BZW2: variants seen among roughly 807,000 people sequenced by gnomAD.
BZW2 encodes basic leucine zipper and W2 domains 2, also known as eIF5-mimic protein 1.
BZW2 carries 23 observed loss-of-function variants against 53.2 expected under a neutral mutation model. That is an observed-to-expected ratio of 0.43 (90% CI 0.31 to 0.61). The LOEUF (loss-of-function observed/expected upper bound fraction) is 0.61. Among genes scored for constraint, BZW2 ranks in the 20% least tolerant of loss-of-function variants. The probability of loss-of-function intolerance (pLI) is 0.09; values close to 1 mark genes in which losing one functional copy is unlikely to be tolerated. For missense variants in BZW2, 409 were observed against 503.1 expected (o/e 0.81, Z 1.79); for synonymous variants, 227 against 186.4 (o/e 1.22, Z -1.77).
chr7:16,677,918 A>G lies in BZW2; in HGVS notation c.235+3330A>G, dbSNP rs139341397. ...GCATGTCTATACATTCAAGAAGAAC[A>G]TAGGGCCAAACGTTTTGGTATAAGC... On this transcript the variant is annotated intron_variant, in intron 3 of 11. Coordinates refer to ENST00000258761, the MANE Select transcript of BZW2 (RefSeq NM_014038.3). 1.4e-3 allele frequency among the ~76,000 whole-genome samples: 210 copies of G among 152,210 alleles called. 6 individuals carry two copies. The East Asian group carries it at 0.034, about 24-fold the overall frequency.
intron 10 of BZW2, among the ~76,000 whole-genome samples, chr7:16,700,533 G>C (rs2128370568): frequency 6.6e-6 from 1 of 152,284 alleles, no homozygotes; most frequent in East Asian, 1.9e-4. Context: ...TACCCAGAGA[G>C]CTTGTTATAA....
intron 1 of BZW2, among the ~76,000 whole-genome samples, chr7:16,654,235 GTAA>G (rs1782064063): frequency 6.6e-6 from 1 of 151,346 alleles, no homozygotes; most frequent in Admixed American, 6.6e-5. Context: ...GTCTCAAAAA[GTAA>G]TAATAATAAT....
At chr7:16,650,732 C>T (rs73063942) in intron 1 of BZW2, among the ~76,000 whole-genome samples, 1,773 of 152,252 alleles carry the variant, frequency 0.012, 13 homozygotes, top group Non-Finnish European at 0.019. Context: ...ACTTTTCATT[C>T]TTAACTCACT....
chr7:16,675,406 A>G (rs1782734640), intron 3 of BZW2, among the ~76,000 whole-genome samples: 2 of 152,218 alleles, frequency 1.3e-5, no homozygotes, highest in Non-Finnish European at 2.9e-5. Context: ...AACATAATGA[A>G]AGATTGCCTT....
chr7:16,670,738 G>A (rs373540786), intron 2 of BZW2, among the ~76,000 whole-genome samples: 12 of 152,046 alleles, frequency 7.9e-5, no homozygotes, highest in East Asian at 5.8e-4. Flanking sequence ...ATTCCTATGC[G>A]TTTTCCTCCC....
intron 2 of BZW2, among the ~76,000 whole-genome samples, chr7:16,673,840 T>C (rs1782682788): frequency 6.6e-6 from 1 of 152,188 alleles, no homozygotes; most frequent in African/African-American, 2.4e-5. Flanking sequence ...GCTGTAGATA[T>C]ACATATATGG....
At chr7:16,654,509 ACC>A (rs201245130) in intron 1 of BZW2, among the ~76,000 whole-genome samples, 50,805 of 119,626 alleles carry the variant, frequency 0.42, 10,412 homozygotes, top group African/African-American at 0.5. Flanking sequence ...TCTGTATATA[ACC>A]CCCCCCCCCC....
At chr7:16,649,601 T>A (rs1781941042) in intron 1 of BZW2, among the ~76,000 whole-genome samples, 1 of 152,236 alleles carries the variant, frequency 6.6e-6, no homozygotes, top group African/African-American at 2.4e-5. Flanking sequence ...TTTTTGAGTA[T>A]TACATCTTTC....
intron 3 of BZW2, among the ~76,000 whole-genome samples, chr7:16,680,286 A>G (rs1782901488): frequency 6.6e-6 from 1 of 152,192 alleles, no homozygotes. Context: ...CTGGAGTGGG[A>G]AGTGTTTGGA....
Position 16,674,542 on chromosome 7 carries a change from C to G in BZW2, c.189C>G (p.Arg63=), listed in dbSNP as rs780501687. ...DSTGSRLDYR[R]YADTLFDILV... The stretch of plus-strand genomic sequence containing the variant: ...CAGGCTCAAGATTAGATTATCGTCG[C>G]TATGCAGACACACTCTTCGATATCC... Residue 63 remains arginine, a synonymous_variant, in exon 3 of 12, where the codon CGC becomes CGG. Coordinates refer to ENST00000258761, the MANE Select transcript of BZW2 (RefSeq NM_014038.3). 5 of 1,611,436 alleles carry G rather than the reference C, an allele frequency of 3.1e-6. No individual in the cohort carries two copies. The highest frequency in any genetic ancestry group is 4.2e-6 in the Non-Finnish European group (5 of 1,178,420).
At chr7:16,670,135 G>C (rs1218687131) in intron 2 of BZW2, among the ~76,000 whole-genome samples, 1 of 152,230 alleles carries the variant, frequency 6.6e-6, no homozygotes, top group African/African-American at 2.4e-5. Context: ...ACAATTATTA[G>C]TCCTTTCGGT....
chr7:16,676,651 C>T (rs1782775699), intron 3 of BZW2, among the ~76,000 whole-genome samples: 1 of 152,176 alleles, frequency 6.6e-6, no homozygotes, highest in Non-Finnish European at 1.5e-5. Context: ...TGAGTATTTT[C>T]ATTTTAAAAC....
At chr7:16,696,524 G>A (rs1427760815) in intron 8 of BZW2, among the ~76,000 whole-genome samples, 1 of 138,766 alleles carries the variant, frequency 7.2e-6, no homozygotes, top group African/African-American at 2.5e-5. Flanking sequence ...TCCATCAAGA[G>A]GTTTTAAAGT....
At chr7:16,682,557 T>G (rs1397153909) in intron 4 of BZW2, among the ~76,000 whole-genome samples, 1 of 152,228 alleles carries the variant, frequency 6.6e-6, no homozygotes, top group Non-Finnish European at 1.5e-5. Context: ...TGCTATATTC[T>G]TGAATGAATT....
intron 2 of BZW2, among the ~76,000 whole-genome samples, chr7:16,665,903 A>G (rs1185020648): frequency 1.3e-5 from 2 of 152,096 alleles, no homozygotes; most frequent in Non-Finnish European, 2.9e-5. Context: ...GAGTTTTTTA[A>G]TTTTTCAGAA....
intron 10 of BZW2, among the ~76,000 whole-genome samples, chr7:16,703,412 T>TA (rs986668349): frequency 6.6e-6 from 1 of 152,110 alleles, no homozygotes; most frequent in African/African-American, 2.4e-5. Flanking sequence ...TCTTTAAAAA[T>TA]AAAAAAAGCC....
intron 6 of BZW2, chr7:16,686,607 G>C (rs1181855139): frequency 6.6e-6 from 1 of 152,502 alleles, no homozygotes; most frequent in African/African-American, 2.4e-5. Context: ...ATAAAAGTCG[G>C]CTGTTTACTT....
intron 2 of BZW2, among the ~76,000 whole-genome samples, chr7:16,670,873 C>G (rs2128356823): frequency 6.6e-6 from 1 of 152,212 alleles, no homozygotes; most frequent in East Asian, 1.9e-4. Context: ...TGAATATTGT[C>G]CCAGTTAATT....
At chr7:16,646,529 C>G (rs1781866888) in intron 1 of BZW2, among the ~76,000 whole-genome samples, 1 of 150,174 alleles carries the variant, frequency 6.7e-6, no homozygotes, top group African/African-American at 2.4e-5. Flanking sequence ...TCGGGAGACC[C>G]TGGGACCGCG....
Sources: allele counts gnomAD v4.1 joint callset (sites outside exome capture counted in the v4.1 genomes callset), GRCh38; gene constraint gnomAD v4.1.1; transcripts MANE v1.5; gene names NCBI Gene and HGNC (gene_info 2026-07-23, HGNC 2026-07-21).